Variants in ASXL2 observed in about 807,000 individuals in gnomAD.
ASXL2 encodes putative Polycomb group protein ASXL2.
In ASXL2, 23 loss-of-function variants were observed where a neutral mutation model predicts 122.0. That is an observed-to-expected ratio of 0.19 (90% CI 0.14 to 0.27). The LOEUF (loss-of-function observed/expected upper bound fraction) is 0.27. ASXL2 is among the 10% of genes least tolerant of loss of function. ASXL2 has a pLI of 1.00. For synonymous variants in ASXL2, 650 were observed against 637.0 expected (o/e 1.02, Z -0.31); for missense variants, 1,518 against 1,713.8 (o/e 0.89, Z 2.02).
chr2:25,803,584 C>T (rs1168591124), intron 4 of ASXL2, among the ~76,000 whole-genome samples: 1 of 152,180 alleles, frequency 6.6e-6, no homozygotes, highest in Non-Finnish European at 1.5e-5. Context: ...GGGACTGGTG[C>T]TGTGGAAGAC....
intron 8 of ASXL2, among the ~76,000 whole-genome samples, chr2:25,763,795 A>G (rs556136266): frequency 1.3e-5 from 2 of 152,348 alleles, no homozygotes; most frequent in South Asian, 2.1e-4. Context: ...TGAGGCCCAG[A>G]TATAACTTGC....
At chr2:25,874,033 A>G (rs192239265) in intron 1 of ASXL2, among the ~76,000 whole-genome samples, 2 of 152,348 alleles carry the variant, frequency 1.3e-5, no homozygotes, top group Admixed American at 6.5e-5. Context: ...AATGAGCCTA[A>G]TTTTGAACAT....
chr2:25,877,028 G>T (rs1179066686), intron 1 of ASXL2, among the ~76,000 whole-genome samples: 5 of 152,040 alleles, frequency 3.3e-5, no homozygotes, highest in Non-Finnish European at 1.5e-5. Flanking sequence ...TTTTTTAAAT[G>T]TTCTTCTTTA....
intron 2 of ASXL2, among the ~76,000 whole-genome samples, chr2:25,841,014 C>G (rs1156567787): frequency 1.3e-5 from 2 of 152,172 alleles, no homozygotes; most frequent in Non-Finnish European, 2.9e-5. Context: ...TATAAGACTA[C>G]CAGCCAGGCA....
At chr2:25,795,727 TAAAAG>T (rs2088902436) in intron 5 of ASXL2, among the ~76,000 whole-genome samples, 1 of 151,592 alleles carries the variant, frequency 6.6e-6, no homozygotes, top group African/African-American at 2.4e-5. Flanking sequence ...ATTCCAAACT[TAAAAG>T]GAAAAGCTTA....
chr2:25,869,730 C>T (rs760705672), intron 1 of ASXL2, among the ~76,000 whole-genome samples: 3 of 151,548 alleles, frequency 2.0e-5, no homozygotes, highest in Non-Finnish European at 4.4e-5. Context: ...GCAGGAGAAT[C>T]GCTTGAACCT....
chr2:25,750,837 A>G (rs1367137519), intron 11 of ASXL2, among the ~76,000 whole-genome samples: 1 of 152,204 alleles, frequency 6.6e-6, no homozygotes. Flanking sequence ...CTGCAAGGGA[A>G]CTGAAGGAAG....
At chr2:25,810,760 C>T (rs2149176618) in intron 3 of ASXL2, 1 of 557,136 alleles carries the variant, frequency 1.8e-6, no homozygotes, top group Non-Finnish European at 3.4e-6. Flanking sequence ...GCCAGTACTA[C>T]CTTTGGAATT....
At chr2:25,790,237 G>GA (rs1241026278) in intron 5 of ASXL2, among the ~76,000 whole-genome samples, 1 of 131,346 alleles carries the variant, frequency 7.6e-6, no homozygotes, top group Admixed American at 9.9e-5. Flanking sequence ...TGGACTAGAG[G>GA]AAAAAAATTG....
chr2:25,762,425 G>A (rs902423957), intron 8 of ASXL2, among the ~76,000 whole-genome samples: 2 of 151,828 alleles, frequency 1.3e-5, no homozygotes, highest in Admixed American at 6.6e-5. Flanking sequence ...CAGCACTTTG[G>A]GAGGCCAAGG....
intron 10 of ASXL2, among the ~76,000 whole-genome samples, chr2:25,754,446 G>A (rs942967841): frequency 6.6e-6 from 1 of 152,178 alleles, no homozygotes; most frequent in Non-Finnish European, 1.5e-5. Flanking sequence ...TGAGAAGAAG[G>A]AGAGGAAAAG....
Position 25,741,375 on chromosome 2 carries a change from A to C in ASXL2, c.*654T>G, listed in dbSNP as rs1394885183. The C allele has an allele frequency of 4.5e-6, 1 of 223,362 alleles. No individual in the cohort carries two copies. The highest frequency in any genetic ancestry group is 8.9e-6 in the Non-Finnish European group (1 of 112,048). The allele number at this position is 223,362 out of a possible 1,614,324, so 13.8% of individuals were successfully genotyped here. A position where few individuals can be genotyped will look rare whatever the true frequency, so the allele number is the denominator to read the frequency against. On this transcript the variant is annotated 3_prime_UTR_variant, in exon 13 of 13. Coordinates refer to ENST00000435504, the MANE Select transcript of ASXL2 (RefSeq NM_018263.6). ...TTGGCAACAGTACCAGTAACTAGTAACTAGTACAGTAGAAGCCAAGAACCA... is the reference window on the plus strand; with the variant it reads ...TTGGCAACAGTACCAGTAACTAGTACCTAGTACAGTAGAAGCCAAGAACCA...
chr2:25,832,091 A>G (rs565701867), intron 3 of ASXL2, among the ~76,000 whole-genome samples: 19 of 152,372 alleles, frequency 1.2e-4, no homozygotes, highest in Middle Eastern at 3.4e-3. Flanking sequence ...TAGAATGGAA[A>G]TGATAAAAGA....
chr2:25,860,470 C>G (rs532628171), intron 1 of ASXL2, among the ~76,000 whole-genome samples: 1 of 152,274 alleles, frequency 6.6e-6, no homozygotes, highest in East Asian at 1.9e-4. Context: ...AATCCCAGCA[C>G]TTTGGGAAGC....
intron 5 of ASXL2, among the ~76,000 whole-genome samples, chr2:25,772,344 TA>T (rs995554379): frequency 6.6e-6 from 1 of 152,206 alleles, no homozygotes; most frequent in African/African-American, 2.4e-5. Context: ...GAATGTTTAC[TA>T]AAGTCTTCCC....
intron 2 of ASXL2, among the ~76,000 whole-genome samples, chr2:25,839,690 A>G (rs1443328042): frequency 7.0e-6 from 1 of 142,624 alleles, no homozygotes; most frequent in East Asian, 2.0e-4. Context: ...TGGCACGATC[A>G]CGGCTCATTG....
Position 25,740,377 on chromosome 2 carries a change from TGTTC to T in ASXL2, c.*1648_*1651del, listed in dbSNP as rs2087808454. On this transcript the variant is annotated 3_prime_UTR_variant, in exon 13 of 13. Transcript: ENST00000435504. ...GGAATGTGACTTAACAAGTTTAAAC[TGTTC>T]TGCATTTTGTAAATATCACATCCTG... The T allele has an allele frequency of 8.9e-6, 2 of 225,328 alleles. No individual in the cohort carries two copies. Among genetic ancestry groups the T allele is most frequent in the South Asian group, 3.7e-4 (2 of 5,478 alleles). The allele number at this position is 225,328 out of a possible 1,614,324, so 14.0% of individuals were successfully genotyped here.
intron 8 of ASXL2, among the ~76,000 whole-genome samples, chr2:25,760,050 CT>C (rs1027651615): frequency 3.3e-5 from 5 of 150,936 alleles, no homozygotes; most frequent in Non-Finnish European, 4.4e-5. Context: ...CTTCTCATGA[CT>C]TTTTTTTTCA....
intron 3 of ASXL2, among the ~76,000 whole-genome samples, chr2:25,833,014 T>C (rs990193103): frequency 6.6e-5 from 10 of 152,042 alleles, no homozygotes; most frequent in African/African-American, 2.4e-4. Context: ...CGGACTAGTA[T>C]AAGGAAGGGG....
Sources: gnomAD v4.1 joint callset for allele counts (sites outside exome capture counted in the v4.1 genomes callset) on GRCh38, gnomAD v4.1.1 for gene constraint, MANE v1.5 for transcripts, NCBI Gene and HGNC (gene_info 2026-07-23, HGNC 2026-07-21) for gene names.